The following POU2F1 variants were observed in gnomAD, a reference collection of about 807,000 sequenced individuals.
POU2F1 encodes POU domain, class 2, transcription factor 1.
POU2F1 carries 16 observed loss-of-function variants against 84.9 expected under a neutral mutation model. That is an observed-to-expected ratio of 0.19 (90% CI 0.13 to 0.29). The LOEUF is 0.29. Among genes scored for constraint, POU2F1 ranks in the 10% least tolerant of loss-of-function variants. The pLI is 1.00. For missense variants in POU2F1, 738 were observed against 942.6 expected, an observed-to-expected ratio of 0.78 and a Z score of 2.84; for synonymous variants, 368 against 368.3, an observed-to-expected ratio of 1.00 and a Z score of 0.01.
chr1:167,258,876 G>T (rs1011623319), intron 1 of POU2F1, among the ~76,000 whole-genome samples: 4 of 152,214 alleles, frequency 2.6e-5, no homozygotes, highest in African/African-American at 9.6e-5. Flanking sequence ...TCCAAGTTTA[G>T]TGTTTCTTAT....
chr1:167,405,673 C>T (rs977937199), intron 13 of POU2F1, among the ~76,000 whole-genome samples: 12 of 151,858 alleles, frequency 7.9e-5, no homozygotes, highest in Admixed American at 5.2e-4. Flanking sequence ...GAGAACAGAG[C>T]GAGACCCTGT....
At chr1:167,249,171 T>C (rs954209116) in intron 1 of POU2F1, among the ~76,000 whole-genome samples, 1 of 152,210 alleles carries the variant, frequency 6.6e-6, no homozygotes, top group Non-Finnish European at 1.5e-5. Flanking sequence ...TTTGGCATCC[T>C]TTATCTTCTC....
intron 5 of POU2F1, among the ~76,000 whole-genome samples, chr1:167,372,945 CTT>C (rs1660102423): frequency 6.6e-6 from 1 of 151,738 alleles, no homozygotes; most frequent in Non-Finnish European, 1.5e-5. Context: ...TTCTTTCTTT[CTT>C]TCTTTTTTTC....
chr1:167,360,663 T>G (rs1659298721), intron 2 of POU2F1, among the ~76,000 whole-genome samples: 2 of 152,194 alleles, frequency 1.3e-5, no homozygotes, highest in Admixed American at 6.5e-5. Flanking sequence ...TAGGATTGCC[T>G]TGGCTATTCA....
At chr1:167,409,570 A>G (rs553101601) in intron 13 of POU2F1, among the ~76,000 whole-genome samples, 1 of 152,264 alleles carries the variant, frequency 6.6e-6, no homozygotes, top group Non-Finnish European at 1.5e-5. Flanking sequence ...TTGTTATACC[A>G]TAATGCTTAT....
chr1:167,342,429 C>G (rs1020381441), intron 2 of POU2F1, among the ~76,000 whole-genome samples: 1 of 152,088 alleles, frequency 6.6e-6, no homozygotes, highest in Non-Finnish European at 1.5e-5. Flanking sequence ...TTGGGATTTA[C>G]TAGTGCTATG....
intron 2 of POU2F1, among the ~76,000 whole-genome samples, chr1:167,354,171 T>C (rs1658780555): frequency 6.6e-6 from 1 of 152,242 alleles, no homozygotes; most frequent in African/African-American, 2.4e-5. Flanking sequence ...TATTCCATTA[T>C]TGATGGACAT....
chr1:167,370,398 C>T (rs995202838), intron 4 of POU2F1, among the ~76,000 whole-genome samples, 184 bp downstream of exon 4: 7 of 152,110 alleles, frequency 4.6e-5, no homozygotes, highest in Admixed American at 3.9e-4. Flanking sequence ...TTATATTATG[C>T]TACTGTGCAT....
intron 13 of POU2F1, among the ~76,000 whole-genome samples, chr1:167,411,006 T>C (rs1353510938): frequency 6.6e-6 from 1 of 152,126 alleles, no homozygotes; most frequent in Non-Finnish European, 1.5e-5. Context: ...AAAAGCATAT[T>C]CAGGCACTTT....
chr1:167,318,193 T>G (rs1458638320), intron 1 of POU2F1, among the ~76,000 whole-genome samples: 1 of 152,234 alleles, frequency 6.6e-6, no homozygotes, highest in Non-Finnish European at 1.5e-5. Context: ...AATTTTGATC[T>G]TATTAAGAGC....
At chr1:167,224,845 T>TTC (rs1648505255) in intron 1 of POU2F1, among the ~76,000 whole-genome samples, 1 of 150,270 alleles carries the variant, frequency 6.7e-6, no homozygotes, top group Non-Finnish European at 1.5e-5. Flanking sequence ...TTTTTTTTTT[T>TTC]CCAGACAGAG....
intron 1 of POU2F1, among the ~76,000 whole-genome samples, chr1:167,281,545 A>T (rs1653136894): frequency 6.6e-6 from 1 of 152,210 alleles, no homozygotes; most frequent in Admixed American, 6.5e-5. Context: ...AAGGAAAGTG[A>T]TGTATAGAAA....
At chr1:167,237,772 ATTTTT>A (rs1216931950) in intron 1 of POU2F1, among the ~76,000 whole-genome samples, 6 of 29,922 alleles carry the variant, frequency 2.0e-4, no homozygotes, top group South Asian at 1.2e-3. Flanking sequence ...ATATATATAT[ATTTTT>A]TTTTTTTTTT....
At chr1:167,366,120 G>A (rs754915458) in intron 3 of POU2F1, among the ~76,000 whole-genome samples, 10 of 152,016 alleles carry the variant, frequency 6.6e-5, no homozygotes, top group African/African-American at 1.9e-4. Flanking sequence ...CATGAATTCT[G>A]TTCATTCATG....
chr1:167,245,821 T>A (rs901502066), intron 1 of POU2F1, among the ~76,000 whole-genome samples: 3 of 152,174 alleles, frequency 2.0e-5, no homozygotes, highest in Non-Finnish European at 4.4e-5. Context: ...CCTCCCAAAG[T>A]GTTGGAATTA....
intron 4 of POU2F1, among the ~76,000 whole-genome samples, chr1:167,370,728 G>C (rs554104121): frequency 6.6e-6 from 1 of 152,190 alleles, no homozygotes; most frequent in South Asian, 2.1e-4. Context: ...TACTTAAGTG[G>C]GGACATTTAT....
At chr1:167,270,625 A>C (rs1341809792) in intron 1 of POU2F1, among the ~76,000 whole-genome samples, 1 of 152,158 alleles carries the variant, frequency 6.6e-6, no homozygotes, top group Non-Finnish European at 1.5e-5. Context: ...CTGGTCATAC[A>C]TTGGATTGTT....
At chr1:167,261,176 A>G (rs893740051) in intron 1 of POU2F1, among the ~76,000 whole-genome samples, 2 of 152,190 alleles carry the variant, frequency 1.3e-5, no homozygotes, top group African/African-American at 4.8e-5. Context: ...TAAAGAGGTA[A>G]TTGTTAAAAT....
At chr1:167,333,574 T>A (rs1158364510) in intron 2 of POU2F1, among the ~76,000 whole-genome samples, 1 of 152,210 alleles carries the variant, frequency 6.6e-6, no homozygotes, top group Non-Finnish European at 1.5e-5. Context: ...TCTTTTGCTG[T>A]AAACTCTCCT....
Sources: gnomAD v4.1 joint callset for allele counts (sites outside exome capture counted in the v4.1 genomes callset) on GRCh38, gnomAD v4.1.1 for gene constraint, MANE v1.5 for transcripts, NCBI Gene and HGNC (gene_info 2026-07-23, HGNC 2026-07-21) for gene names.